Variants in TRIM26 observed in about 807,000 individuals in gnomAD.
TRIM26 encodes tripartite motif-containing protein 26.
In TRIM26, 16 loss-of-function variants were observed where a neutral mutation model predicts 45.5. That is an observed-to-expected ratio of 0.35 (90% CI 0.24 to 0.53). The LOEUF (loss-of-function observed/expected upper bound fraction) is 0.53, where lower values mean the gene tolerates loss of function less well. Among genes scored for constraint, TRIM26 ranks in the 20% least tolerant of loss-of-function variants. The pLI, the probability that TRIM26 is intolerant of heterozygous loss-of-function variation, is 0.92. For synonymous variants in TRIM26, 273 were observed against 290.4 expected (o/e 0.94, Z 0.61); for missense variants, 442 against 691.1 (o/e 0.64, Z 4.04).
Position 30,189,580 on chromosome 6 carries a change from T to C in TRIM26, c.789-47A>G, listed in dbSNP as rs767679011. 13 of 1,467,584 alleles carry C rather than the reference T, an allele frequency of 8.9e-6. No homozygotes were observed. Among genetic ancestry groups the C allele is most frequent in the Non-Finnish European group, 1.2e-5 (13 of 1,049,354 alleles). The allele number at this position is 1,467,584 out of a possible 1,614,324, so 90.9% of individuals were successfully genotyped here. A position where few individuals can be genotyped will look rare whatever the true frequency, so the allele number is the denominator to read the frequency against. On this transcript the variant is annotated intron_variant, in intron 7 of 9. Coordinates refer to ENST00000454678, the MANE Select transcript of TRIM26 (RefSeq NM_003449.5). This position sits in a 1 kb window ranked among gnomAD's most constrained non-coding sequence, Gnocchi z 5.0. ...CAAGCTGTTACTCAGCTCTTCTTAC[T>C]TTCCTTCATACTTATCTCTCAATCC...
intron 2 of TRIM26, among the ~76,000 whole-genome samples, chr6:30,203,577 G>A (rs1216213529): frequency 1.3e-5 from 2 of 151,834 alleles, no homozygotes; most frequent in African/African-American, 4.8e-5. Flanking sequence ...CACCACATCC[G>A]GCTAATTTTT....
chr6:30,187,565 G>A, intron 9 of TRIM26: 1 of 467,298 alleles, frequency 2.1e-6, no homozygotes, highest in South Asian at 1.7e-5. Flanking sequence ...GGCGGAAGGT[G>A]CTACTCTCTG....
In TRIM26 at chr6:30,189,652, C is replaced by A. The variant is rs1373704143; in HGVS notation, c.789-119G>T. On this transcript the variant is annotated intron_variant, in intron 7 of 9. Transcript: ENST00000454678. The surrounding 1 kb of genome is among the most constrained non-coding windows in gnomAD (Gnocchi z 5.0). ...GAGGAAAGGTATGATTATCCCCAAA[C>A]AAGTGACAGAAAAACAGTGGCCCAA... 14 of 889,438 alleles carry A rather than the reference C, an allele frequency of 1.6e-5. No individual in the cohort carries two copies. The highest frequency in any genetic ancestry group is 6.3e-5 in the South Asian group (4 of 63,992). The allele number at this position is 889,438 out of a possible 1,614,324, so 55.1% of individuals were successfully genotyped here.
At chr6:30,208,452 T>C (rs1464999042) in intron 1 of TRIM26, among the ~76,000 whole-genome samples, 2 of 151,890 alleles carry the variant, frequency 1.3e-5, no homozygotes, top group Non-Finnish European at 2.9e-5. Context: ...GACCTAGGTA[T>C]ACACCCCATA....
chr6:30,197,687 A>G (rs1776636208), intron 5 of TRIM26, among the ~76,000 whole-genome samples: 1 of 152,246 alleles, frequency 6.6e-6, no homozygotes. Flanking sequence ...TAATAGTTAC[A>G]TAAAATCTAC....
Position 30,198,703 on chromosome 6 carries a change from G to T in TRIM26, c.401C>A (p.Thr134Lys), listed in dbSNP as rs754923872. 1 of 1,605,218 alleles carries T rather than the reference G, an allele frequency of 6.2e-7. No homozygotes were observed. Among genetic ancestry groups the T allele is most frequent in the Non-Finnish European group, 8.5e-7 (1 of 1,179,732 alleles). The change falls in exon 4 of 10, where the codon ACG becomes AAG. Residue 134 changes from threonine to lysine, a missense_variant. Coordinates refer to ENST00000454678, the MANE Select transcript of TRIM26 (RefSeq NM_003449.5). This position sits in a 1 kb window ranked among gnomAD's most constrained non-coding sequence, Gnocchi z 6.3. Reference protein sequence around the residue: ...CRESREHRPHTAVLMEKAAQP... With the variant: ...CRESREHRPHKAVLMEKAAQP... ...GGCGGCCTTCTCCATGAGGACGGCC[G>T]TGTGGGGCCTGTGCTCCCGGGACTC...
chr6:30,194,437 T>C (rs1776255491), intron 6 of TRIM26, among the ~76,000 whole-genome samples: 1 of 152,210 alleles, frequency 6.6e-6, no homozygotes, highest in Non-Finnish European at 1.5e-5. Context: ...TAATTTACTA[T>C]ACATTTTCAA....
At chr6:30,205,225 A>C (rs1777608502) in intron 1 of TRIM26, among the ~76,000 whole-genome samples, 1 of 152,044 alleles carries the variant, frequency 6.6e-6, no homozygotes, top group Non-Finnish European at 1.5e-5. Flanking sequence ...CTGGGCAACA[A>C]GAGCAAAACT....
Position 30,207,078 on chromosome 6 carries a change from A to T in TRIM26, c.-375-2313T>A, listed in dbSNP as rs1025379445. Among the ~76,000 whole-genome samples, 5 of 152,208 alleles carry T rather than the reference A, an allele frequency of 3.3e-5. No homozygotes were observed. In the East Asian group the frequency reaches 9.6e-4, roughly 29 times the overall value. ...GCAGAGGAAATCATCCGCCGGAGAAAGGGTAGCGGTGAATTTGAGGAGCTG... is the reference window on the plus strand; with the variant it reads ...GCAGAGGAAATCATCCGCCGGAGAATGGGTAGCGGTGAATTTGAGGAGCTG... On this transcript the variant is annotated intron_variant, in intron 1 of 9. Coordinates refer to ENST00000454678, the MANE Select transcript of TRIM26 (RefSeq NM_003449.5). This position sits in a 1 kb window ranked among gnomAD's most constrained non-coding sequence, Gnocchi z 4.9.
chr6:30,188,348 C>A, intron 9 of TRIM26: 1 of 424,782 alleles, frequency 2.4e-6, no homozygotes, highest in East Asian at 4.1e-5. Context: ...ATTTCAGTTT[C>A]AAAACTACCA....
In TRIM26 at chr6:30,186,748, C is replaced by T. The variant is rs1218295001; in HGVS notation, c.938-190G>A. On this transcript the variant is annotated intron_variant, in intron 9 of 9. Transcript: ENST00000454678. This position sits in a 1 kb window ranked among gnomAD's most constrained non-coding sequence, Gnocchi z 7.4. ...TTTCTGGCTTTGTATTCTGCTAAAT[C>T]ACCATAACTAAACTGCTTTATAAAC... 1.0e-6 allele frequency: 1 copy of T among 999,924 alleles called. No homozygotes were observed. Among genetic ancestry groups the T allele is most frequent in the Admixed American group, 2.6e-5 (1 of 38,242 alleles). 61.9% of individuals were successfully genotyped at this position (999,924 alleles called of 1,614,324 possible). A position where few individuals can be genotyped will look rare whatever the true frequency, so the allele number is the denominator to read the frequency against.
intron 1 of TRIM26, among the ~76,000 whole-genome samples, chr6:30,205,194 T>G (rs1481319177): frequency 6.6e-6 from 1 of 152,036 alleles, no homozygotes; most frequent in Non-Finnish European, 1.5e-5. Flanking sequence ...TGAGCTGAGA[T>G]CACGCCAATT....
rs1778487592 is a variant in TRIM26, at chr6:30,213,324, GCGAATCC to G, written c.-402_-396del. 1 of 152,390 alleles carries G rather than the reference GCGAATCC, an allele frequency of 6.6e-6. No homozygotes were observed. Among genetic ancestry groups the G allele is most frequent in the African/African-American group, 2.4e-5 (1 of 41,460 alleles). The allele number at this position is 152,390 out of a possible 1,614,324, so 9.4% of individuals were successfully genotyped here. A position where few individuals can be genotyped will look rare whatever the true frequency, so the allele number is the denominator to read the frequency against. On this transcript the variant is annotated 5_prime_UTR_variant, in exon 1 of 10. Transcript: ENST00000454678. ...ACTCACCGGTCCCGAGCTCCGGGCC[GCGAATCC>G]CGGCCGGCACCCCTCCTCTCTCACG...
intron 9 of TRIM26, chr6:30,188,331 C>T: frequency 1.9e-6 from 1 of 517,742 alleles, no homozygotes; most frequent in Non-Finnish European, 3.1e-6. Flanking sequence ...TCTCTGTAAA[C>T]TGTTCAATTT....
chr6:30,203,323 G>C (rs1581710045), intron 2 of TRIM26, among the ~76,000 whole-genome samples: 1 of 151,950 alleles, frequency 6.6e-6, no homozygotes, highest in East Asian at 1.9e-4. Flanking sequence ...GGGATTATAG[G>C]CATGAGCAAC....
chr6:30,191,462 A>G (rs1173573031), intron 6 of TRIM26, among the ~76,000 whole-genome samples: 2 of 151,794 alleles, frequency 1.3e-5, no homozygotes, highest in East Asian at 3.9e-4. Flanking sequence ...TAGAGCTGAC[A>G]TTCTAGCAGG....
At chr6:30,187,595 T>C in intron 9 of TRIM26, 1 of 418,780 alleles carries the variant, frequency 2.4e-6, no homozygotes, top group African/African-American at 2.1e-5. Context: ...TCAGATGATG[T>C]CAGGTAATTA....
At chr6:30,208,862 T>C (rs1328318428) in intron 1 of TRIM26, among the ~76,000 whole-genome samples, 1 of 151,700 alleles carries the variant, frequency 6.6e-6, no homozygotes, top group Non-Finnish European at 1.5e-5. Context: ...CCTGATAATA[T>C]CAGCTTTAAT....
intron 1 of TRIM26, among the ~76,000 whole-genome samples, 186 bp downstream of exon 1, chr6:30,213,119 G>C (rs1049418268): frequency 2.0e-5 from 3 of 152,174 alleles, no homozygotes; most frequent in African/African-American, 7.2e-5. Flanking sequence ...GAGAATGTAA[G>C]GACAAGCAAA....
Sources: allele counts gnomAD v4.1 joint callset (sites outside exome capture counted in the v4.1 genomes callset), GRCh38; gene constraint gnomAD v4.1.1; non-coding constraint Gnocchi (gnomAD v3.1); transcripts MANE v1.5; gene names NCBI Gene and HGNC (gene_info 2026-07-23, HGNC 2026-07-21).